Variants in MAPK14 observed in about 807,000 individuals in gnomAD.
MAPK14 encodes CSAID-binding protein.
MAPK14 carries 16 observed loss-of-function variants against 49.6 expected under a neutral mutation model. The ratio of observed to expected loss-of-function variants is 0.32; its 90% CI spans 0.22 to 0.49. The LOEUF (loss-of-function observed/expected upper bound fraction) is 0.49. MAPK14 is among the 20% of genes least tolerant of loss of function. MAPK14 has a pLI of 0.99. For missense variants in MAPK14, 200 were observed against 441.2 expected (o/e 0.45, Z 4.90); for synonymous variants, 142 against 158.0 (o/e 0.90, Z 0.76).
chr6:36,076,882 G>A, intron 8 of MAPK14: 1 of 279,544 alleles, frequency 3.6e-6, no homozygotes, highest in Non-Finnish European at 6.7e-6. Context: ...TCATCCCACA[G>A]CAGTTCTGAG....
downstream of MAPK14, among the ~76,000 whole-genome samples, chr6:36,112,835 G>T (rs1480896935): frequency 6.6e-6 from 1 of 152,176 alleles, no homozygotes; most frequent in Non-Finnish European, 1.5e-5. Context: ...TTGCAATTAA[G>T]TTGCATTCTA....
intron 1 of MAPK14, among the ~76,000 whole-genome samples, chr6:36,050,358 C>A (rs928240471): frequency 2.0e-5 from 3 of 152,110 alleles, no homozygotes; most frequent in Non-Finnish European, 4.4e-5. Flanking sequence ...AGTCAGGGTA[C>A]AAGTAAACTA....
chr6:36,116,229 C>G (rs924327675), downstream of MAPK14, among the ~76,000 whole-genome samples: 70 of 152,314 alleles, frequency 4.6e-4, no homozygotes, highest in African/African-American at 1.6e-3. Context: ...CGTACTGATA[C>G]AGTTGTGTTG....
chr6:36,116,107 TA>T (rs905646660), downstream of MAPK14, among the ~76,000 whole-genome samples: 2 of 150,806 alleles, frequency 1.3e-5, no homozygotes, highest in Admixed American at 1.3e-4. Flanking sequence ...AGACCCTGTC[TA>T]AAAAAAAATA....
intron 8 of MAPK14, among the ~76,000 whole-genome samples, chr6:36,088,358 A>G (rs1263284216): frequency 6.6e-6 from 1 of 152,194 alleles, no homozygotes; most frequent in Non-Finnish European, 1.5e-5. Flanking sequence ...CAATCTATCC[A>G]TCTGACAAAA....
At chr6:36,078,373 A>C (rs989775675) in intron 8 of MAPK14, among the ~76,000 whole-genome samples, 6 of 152,164 alleles carry the variant, frequency 3.9e-5, no homozygotes, top group Admixed American at 6.5e-5. Flanking sequence ...TTAATTGTCT[A>C]CCTATGAATC....
chr6:36,096,027 C>G lies in MAPK14; in HGVS notation c.723C>G (p.Thr241=). 6.2e-7 allele frequency: 1 copy of G among 1,613,238 alleles called. No homozygotes were observed. Among genetic ancestry groups the G allele is most frequent in the Non-Finnish European group, 8.5e-7 (1 of 1,179,460 alleles). ...AGCTCATTTTAAGACTCGTTGGAAC[C>G]CCAGGGGCTGAGCTTTTGAAGAAAA... ...QLKLILRLVG[T]PGAELLKKIS... The change falls in exon 9 of 12, where the codon ACC becomes ACG. Residue 241 remains threonine, a synonymous_variant. Coordinates refer to ENST00000229794, the MANE Select transcript of MAPK14 (RefSeq NM_139012.3).
intron 1 of MAPK14, among the ~76,000 whole-genome samples, chr6:36,046,800 G>T (rs1430773540): frequency 6.6e-6 from 1 of 152,234 alleles, no homozygotes; most frequent in Admixed American, 6.5e-5. Flanking sequence ...CTGGCATGCA[G>T]AGTGCCTTGG....
intron 9 of MAPK14, chr6:36,097,922 G>A (rs1216566179): frequency 7.6e-6 from 1 of 131,376 alleles, no homozygotes; most frequent in Admixed American, 7.6e-5. Flanking sequence ...TTTTTTTTTT[G>A]GTTTGTTTCC....
At chr6:36,058,704 G>A (rs952611373) in intron 2 of MAPK14, among the ~76,000 whole-genome samples, 54 of 152,222 alleles carry the variant, frequency 3.5e-4, no homozygotes, top group African/African-American at 1.3e-3. Flanking sequence ...GTCAAGACCA[G>A]CCTGGGCAAT....
At chr6:36,063,330 A>G (rs1011150039) in intron 3 of MAPK14, among the ~76,000 whole-genome samples, 10 of 152,144 alleles carry the variant, frequency 6.6e-5, no homozygotes, top group Non-Finnish European at 1.2e-4. Context: ...GCTTACTCCT[A>G]TAATCCCAGC....
intron 8 of MAPK14, among the ~76,000 whole-genome samples, chr6:36,084,658 G>T (rs1027361673): frequency 5.3e-5 from 8 of 152,158 alleles, no homozygotes; most frequent in African/African-American, 1.4e-4. Context: ...CAAAACTTTT[G>T]AGAACTATGG....
intron 1 of MAPK14, among the ~76,000 whole-genome samples, chr6:36,047,199 T>A (rs1763212846): frequency 1.3e-5 from 2 of 152,162 alleles, no homozygotes; most frequent in South Asian, 4.1e-4. Context: ...AGTGAGGGTG[T>A]TGTGACAGAG....
chr6:36,076,080 CT>C, intron 7 of MAPK14, 118 bp downstream of exon 7: 1 of 1,015,944 alleles, frequency 9.8e-7, no homozygotes. Context: ...CTCAGTGATC[CT>C]TTTAAAGCCT....
intron 8 of MAPK14, among the ~76,000 whole-genome samples, chr6:36,090,850 C>CT (rs1221689237): frequency 1.3e-5 from 2 of 152,192 alleles, no homozygotes; most frequent in Non-Finnish European, 2.9e-5. Flanking sequence ...CCTTTCCTCT[C>CT]TAACTTGAAA....
chr6:36,093,324 T>C (rs188363744), intron 8 of MAPK14, among the ~76,000 whole-genome samples: 4 of 152,236 alleles, frequency 2.6e-5, no homozygotes, highest in African/African-American at 9.6e-5. Context: ...TGAGCCACTG[T>C]GACTAATGGA....
At chr6:36,052,008 A>G (rs1485992438) in intron 1 of MAPK14, among the ~76,000 whole-genome samples, 1 of 152,076 alleles carries the variant, frequency 6.6e-6, no homozygotes, top group Admixed American at 6.5e-5. Flanking sequence ...AAAGTGGTAT[A>G]ACTCCACTGG....
chr6:36,116,117 TAAA>T (rs1323080223), downstream of MAPK14, among the ~76,000 whole-genome samples: 1 of 151,646 alleles, frequency 6.6e-6, no homozygotes, highest in Non-Finnish European at 1.5e-5. Flanking sequence ...TAAAAAAAAA[TAAA>T]AAGTAAATTC....
chr6:36,106,310 G>A (rs1385273042), intron 10 of MAPK14, among the ~76,000 whole-genome samples: 1 of 152,036 alleles, frequency 6.6e-6, no homozygotes, highest in Admixed American at 6.5e-5. Flanking sequence ...CCCGAGAAAC[G>A]GTCATTCTCA....
Sources: gnomAD v4.1 joint callset for allele counts (sites outside exome capture counted in the v4.1 genomes callset) on GRCh38, gnomAD v4.1.1 for gene constraint, MANE v1.5 for transcripts, NCBI Gene and HGNC (gene_info 2026-07-23, HGNC 2026-07-21) for gene names.